The following STARD13 variants were observed in gnomAD, a reference collection of about 807,000 sequenced individuals.
STARD13 encodes the protein stAR-related lipid transfer protein 13.
A neutral mutation model predicts 106.4 loss-of-function variants in STARD13; 62 were observed. The ratio of observed to expected loss-of-function variants is 0.58; its 90% CI spans 0.48 to 0.72. The LOEUF is 0.72. Among genes scored for constraint, STARD13 ranks in the 30% least tolerant of loss-of-function variants. The pLI is 0.00. For missense variants in STARD13, 1,387 were observed against 1,424.0 expected (o/e 0.97, Z 0.42); for synonymous variants, 565 against 553.0 (o/e 1.02, Z -0.31).
At chr13:33,180,564 G>T (rs1188766579) in intron 1 of STARD13, 1 of 152,170 alleles carries the variant, frequency 6.6e-6, no homozygotes, top group East Asian at 1.9e-4. Context: ...GCTTCCTGTG[G>T]ACTAATGACT....
At chr13:33,417,510 G>A in the STARD13 span, among the ~76,000 whole-genome samples, 1 of 152,124 alleles carries the variant, frequency 6.6e-6, no homozygotes, top group South Asian at 2.1e-4. Flanking sequence ...CAAAAAGTGG[G>A]AACAACCCAA....
chr13:33,439,859 G>T, the STARD13 span: 1 of 379,064 alleles, frequency 2.6e-6, no homozygotes, highest in Non-Finnish European at 4.9e-6. Flanking sequence ...AATGCCAACT[G>T]AGGCATGAAG....
At chr13:33,367,937 T>A in the STARD13 span, among the ~76,000 whole-genome samples, 2 of 152,190 alleles carry the variant, frequency 1.3e-5, no homozygotes, top group Non-Finnish European at 2.9e-5. Flanking sequence ...ACATCTGTCA[T>A]GGCCAGATAT....
At chr13:33,163,608 AT>A (rs1181810481) in intron 3 of STARD13, among the ~76,000 whole-genome samples, 25 of 47,502 alleles carry the variant, frequency 5.3e-4, no homozygotes, top group East Asian at 3.1e-3. Flanking sequence ...AAAAAAAAAT[AT>A]ATATATATAT....
upstream of STARD13, among the ~76,000 whole-genome samples, chr13:33,353,096 G>A (rs1196340027): frequency 6.6e-6 from 1 of 151,982 alleles, no homozygotes; most frequent in African/African-American, 2.4e-5. Flanking sequence ...TGCTACATTG[G>A]TTATTTCCTC....
Position 33,130,024 on chromosome 13 carries a change from T to C in STARD13, c.653A>G (p.Asp218Gly), listed in dbSNP as rs1158997368. 2 of 1,613,242 alleles carry C rather than the reference T, an allele frequency of 1.2e-6. No homozygotes were observed. The highest frequency in any genetic ancestry group is 2.2e-5 in the East Asian group (1 of 44,882). ...SRSQPGQCCT[D>G]NPVMLDAPLV... is the part of the protein sequence containing the mutation. ...TGGGGCATCCAGCATGACCGGGTTG[T>C]CTGTACAGCACTGGCCCGGCTGGCT... Residue 218 changes from aspartate (D) to glycine (G), a missense_variant, in exon 5 of 14, where the codon GAC becomes GGC. By Grantham distance (94) the Asp-to-Gly change is moderately conservative. Coordinates refer to ENST00000336934, the MANE Select transcript of STARD13 (RefSeq NM_178006.4). This position sits in a 1 kb window ranked among gnomAD's most constrained non-coding sequence, Gnocchi z 4.1.
chr13:33,571,670 G>A, the STARD13 span, among the ~76,000 whole-genome samples: 5 of 152,158 alleles, frequency 3.3e-5, no homozygotes, highest in Non-Finnish European at 7.4e-5. Context: ...AGGAGAGCAG[G>A]CTCAATATCC....
At chr13:33,464,813 G>A in the STARD13 span, among the ~76,000 whole-genome samples, 1 of 151,914 alleles carries the variant, frequency 6.6e-6, no homozygotes, top group Admixed American at 6.6e-5. Context: ...CATGCCATGG[G>A]CAACAGAGCG....
rs9569356 is a variant in STARD13, at chr13:33,337,703, T to G, written c.124+12587A>C. 5.8e-3 allele frequency among the ~76,000 whole-genome samples: 876 copies of G among 152,310 alleles called. 62 individuals carry two copies. The East Asian group carries it at 0.13, about 22-fold the overall frequency. On this transcript the variant is annotated intron_variant, in intron 1 of 5. Coordinates refer to the STARD13 transcript ENST00000567873. Reference sequence around the variant, plus strand: ...TGTTTCCAAGGTCCTTTCAGTGATTTACACATGGCTGTTGTCTTACGTATA... The same window carrying G: ...TGTTTCCAAGGTCCTTTCAGTGATTGACACATGGCTGTTGTCTTACGTATA...
intron 5 of STARD13, among the ~76,000 whole-genome samples, chr13:33,128,492 G>A (rs959342071): frequency 2.0e-5 from 3 of 152,108 alleles, no homozygotes; most frequent in East Asian, 1.9e-4. Flanking sequence ...AACTTGCAGA[G>A]TACACATCTT....
intron 1 of STARD13, among the ~76,000 whole-genome samples, chr13:33,190,827 A>C (rs1173990393): frequency 6.6e-6 from 1 of 151,858 alleles, no homozygotes; most frequent in Non-Finnish European, 1.5e-5. Flanking sequence ...CTTGTGATCC[A>C]CCGGCCTTGG....
At chr13:33,267,189 C>T (rs1318996122) in intron 1 of STARD13, among the ~76,000 whole-genome samples, 1 of 152,130 alleles carries the variant, frequency 6.6e-6, no homozygotes, top group South Asian at 2.1e-4. Context: ...GGAGAGGGTT[C>T]CCTGTTCCCA....
intron 1 of STARD13, among the ~76,000 whole-genome samples, chr13:33,322,642 C>G (rs142821966): frequency 6.6e-6 from 1 of 152,314 alleles, no homozygotes; most frequent in East Asian, 1.9e-4. Context: ...GCTGCAGACG[C>G]ATTATTCAGC....
the STARD13 span, among the ~76,000 whole-genome samples, chr13:33,496,248 T>G: frequency 6.8e-6 from 1 of 147,970 alleles, no homozygotes; most frequent in Non-Finnish European, 1.5e-5. Flanking sequence ...ATTTTATAAT[T>G]TACATATGCA....
intron 1 of STARD13, among the ~76,000 whole-genome samples, chr13:33,240,059 T>C (rs1293067955): frequency 5.9e-5 from 9 of 152,194 alleles, no homozygotes; most frequent in Non-Finnish European, 1.2e-4. Flanking sequence ...TTTTGAGTTA[T>C]TTTTATATGT....
chr13:33,325,539 G>A (rs1205439300), intron 1 of STARD13, among the ~76,000 whole-genome samples: 2 of 151,752 alleles, frequency 1.3e-5, no homozygotes, highest in East Asian at 1.9e-4. Flanking sequence ...CCTTCCCTTT[G>A]GTCCTATTAT....
chr13:33,236,076 G>A (rs1251407317), intron 1 of STARD13, among the ~76,000 whole-genome samples: 5 of 152,174 alleles, frequency 3.3e-5, no homozygotes, highest in Admixed American at 1.3e-4. Context: ...TTATGAAAAC[G>A]TACTGTTTTT....
chr13:33,537,835 G>C, the STARD13 span, among the ~76,000 whole-genome samples: 1 of 152,146 alleles, frequency 6.6e-6, no homozygotes, highest in African/African-American at 2.4e-5. Context: ...AGCTCGCCTG[G>C]AAACAGAACT....
upstream of STARD13, among the ~76,000 whole-genome samples, chr13:33,352,248 A>G (rs1249035594): frequency 6.6e-6 from 1 of 152,204 alleles, no homozygotes; most frequent in Non-Finnish European, 1.5e-5. Context: ...ATGCAGAGGT[A>G]ACAAAATGCT....
Sources: gnomAD v4.1 joint callset for allele counts (sites outside exome capture counted in the v4.1 genomes callset) on GRCh38, gnomAD v4.1.1 for gene constraint, Gnocchi (gnomAD v3.1) non-coding constraint, MANE v1.5 for transcripts, NCBI Gene and HGNC (gene_info 2026-07-23, HGNC 2026-07-21) for gene names.